CLEC7A: variants seen among roughly 807,000 people sequenced by gnomAD.
CLEC7A encodes C-type lectin domain containing 7A, also known as C-type lectin domain family 7 member A.
CLEC7A carries 25 observed loss-of-function variants against 26.9 expected under a neutral mutation model. The ratio of observed to expected loss-of-function variants is 0.93; its 90% CI spans 0.68 to 1.30. The LOEUF is 1.30. Ranked by LOEUF, CLEC7A falls within the 50% of genes most tolerant of loss-of-function variation. The probability of loss-of-function intolerance (pLI) is 0.00; values close to 1 mark genes in which losing one functional copy is unlikely to be tolerated. For synonymous variants in CLEC7A, 100 were observed against 99.5 expected (o/e 1.01, Z -0.03); for missense variants, 275 against 286.7 (o/e 0.96, Z 0.29).
chr12:10,123,767 C>CAAAAAAAAAAAAAAAAA (rs372400404), intron 4 of CLEC7A, among the ~76,000 whole-genome samples: 14 of 124,682 alleles, frequency 1.1e-4, no homozygotes, highest in African/African-American at 6.2e-4. Context: ...GACTCCGTCT[C>CAAAAAAAAAAAAAAAAA]AAAAAAAAAA....
chr12:10,120,414 A>G (rs983579312), intron 5 of CLEC7A, among the ~76,000 whole-genome samples: 1 of 152,224 alleles, frequency 6.6e-6, no homozygotes, highest in African/African-American at 2.4e-5. Flanking sequence ...CTGAGAGGAA[A>G]AACAACAAAC....
chr12:10,125,158 G>A lies in CLEC7A; in HGVS notation c.492+139C>T, dbSNP rs1002099985. 8.4e-6 allele frequency: 7 copies of A among 831,832 alleles called. No homozygotes were observed. In the Admixed American group the frequency reaches 1.5e-4, roughly 18 times the overall value. The allele number at this position is 831,832 out of a possible 1,614,324, so 51.5% of individuals were successfully genotyped here. The stretch of plus-strand genomic sequence containing the variant: ...GCGGCTTCACTGCACTCTAGCTTGG[G>A]CAACAGAGTGAGACTCTGCCTCAAA... On this transcript the variant is annotated intron_variant, in intron 4 of 5. Coordinates refer to ENST00000304084, the MANE Select transcript of CLEC7A (RefSeq NM_197947.3).
intron 3 of CLEC7A, chr12:10,126,327 C>T (rs967765416): frequency 1.0e-6 from 1 of 982,990 alleles, no homozygotes; most frequent in African/African-American, 1.7e-5. Flanking sequence ...AAATCAGTTA[C>T]TGATTTTAAA....
upstream of CLEC7A, chr12:10,130,254 G>A: frequency 2.1e-6 from 1 of 473,918 alleles, no homozygotes; most frequent in Non-Finnish European, 3.8e-6. Flanking sequence ...TCAAGAGCAG[G>A]AAATGAAACT....
chr12:10,123,347 TG>T lies in CLEC7A; in HGVS notation c.508del (p.Gln170LysfsTer12). 4 of 1,593,816 alleles carry T rather than the reference TG, an allele frequency of 2.5e-6. No homozygotes were observed. The highest frequency in any genetic ancestry group is 3.4e-6 in the Non-Finnish European group (4 of 1,161,518). ...SSNELGFIVKQVSSQPDNSFW... is the reference protein window; with the variant it reads ...SSNELGFIVKXVSSQPDNSFW... ...TGAATTATCAGGTTGGGAAGACACT[TG>T]TTTTACTATAAATCCCTGTAATGAA... On this transcript the variant is annotated frameshift_variant, in exon 5 of 6. Transcript: ENST00000304084. LOFTEE classifies it high-confidence loss of function.
At chr12:10,127,967 A>C in intron 1 of CLEC7A, 122 bp from the exon 2 acceptor site, 3 of 664,790 alleles carry the variant, frequency 4.5e-6, no homozygotes, top group African/African-American at 1.8e-5. Flanking sequence ...GTAATCCCAG[A>C]AGGGAGACTG....
intron 2 of CLEC7A, chr12:10,127,037 C>T (rs1303457232): frequency 1.7e-5 from 23 of 1,393,800 alleles, no homozygotes; most frequent in Non-Finnish European, 2.1e-5. Context: ...CAACATCTTT[C>T]ACCTTTCTTC....
At chr12:10,125,755 C>T (rs1948261105) in intron 3 of CLEC7A, among the ~76,000 whole-genome samples, 1 of 152,102 alleles carries the variant, frequency 6.6e-6, no homozygotes, top group Non-Finnish European at 1.5e-5. Context: ...CTTAATAACT[C>T]CTTAAAATAA....
At chr12:10,124,056 T>C (rs1467676442) in intron 4 of CLEC7A, among the ~76,000 whole-genome samples, 1 of 152,162 alleles carries the variant, frequency 6.6e-6, no homozygotes, top group Non-Finnish European at 1.5e-5. Flanking sequence ...AAGAAGTACT[T>C]CTCAGAGTTA....
In CLEC7A at chr12:10,127,690, C is replaced by T. The variant is rs140571166; in HGVS notation, c.202+57G>A. 466 of 1,193,938 alleles carry T rather than the reference C, an allele frequency of 3.9e-4. 3 individuals are homozygous for T. The African/African-American group carries it at 6.5e-3, about 17-fold the overall frequency. 74.0% of individuals were successfully genotyped at this position (1,193,938 alleles called of 1,614,324 possible). On this transcript the variant is annotated intron_variant, in intron 2 of 5. Coordinates refer to ENST00000304084, the MANE Select transcript of CLEC7A (RefSeq NM_197947.3). ...GTCAAGCCCTTAAAAGAGTGCCTGG[C>T]ACATAATAATTGCTTACTAAATTGT...
intron 1 of CLEC7A, among the ~76,000 whole-genome samples, chr12:10,128,125 C>G (rs1000642813): frequency 1.3e-5 from 2 of 151,282 alleles, no homozygotes; most frequent in African/African-American, 4.9e-5. Context: ...GTAGTCCCAG[C>G]TACTCTGGAG....
chr12:10,127,841 C>T lies in CLEC7A; in HGVS notation c.108G>A (p.Ser36=), dbSNP rs752401642. ...TRIAVVSEKG[S]CAASPPWRLI... is the part of the protein sequence containing the mutation. Reference sequence around the variant, plus strand: ...GGCGCCAAGGAGGAGATGCAGCACACGATCCTGAGGAGCCAGAGGGGGCAG... The same window carrying T: ...GGCGCCAAGGAGGAGATGCAGCACATGATCCTGAGGAGCCAGAGGGGGCAG... The change falls in exon 2 of 6, where the codon TCG becomes TCA. Residue 36 remains serine, a synonymous_variant. Transcript: ENST00000304084. 7 of 1,554,340 alleles carry T rather than the reference C, an allele frequency of 4.5e-6. 1 individual carries two copies. Among genetic ancestry groups the T allele is most frequent in the East Asian group, 4.7e-5 (2 of 42,176 alleles).
At chr12:10,127,085 A>C (rs1231567956) in intron 2 of CLEC7A, 1 of 1,377,768 alleles carries the variant, frequency 7.3e-7, no homozygotes. Context: ...GAAACTGCCC[A>C]GTACCTATAA....
chr12:10,123,408 G>A (rs11053610), intron 4 of CLEC7A, 45 bp from the exon 5 acceptor site: 75 of 1,015,060 alleles, frequency 7.4e-5, no homozygotes, highest in Admixed American at 1.3e-4. Flanking sequence ...GAGAGAGAGA[G>A]AGAGAAAGAA....
intron 3 of CLEC7A, among the ~76,000 whole-genome samples, chr12:10,125,729 C>G (rs987834636): frequency 2.0e-5 from 3 of 152,132 alleles, no homozygotes; most frequent in African/African-American, 7.2e-5. Flanking sequence ...TAATTCAGCT[C>G]AAAACTACCT....
intron 4 of CLEC7A, chr12:10,124,787 G>A (rs1241240695): frequency 6.5e-6 from 1 of 152,968 alleles, no homozygotes; most frequent in Non-Finnish European, 1.5e-5. Context: ...CATGGAGTAT[G>A]TTTGAAAGGA....
At chr12:10,127,626 T>C in intron 2 of CLEC7A, 121 bp downstream of exon 2, 2 of 942,250 alleles carry the variant, frequency 2.1e-6, no homozygotes, top group Non-Finnish European at 3.4e-6. Context: ...CCAATACAGA[T>C]AAAACCAGAT....
At chr12:10,127,263 A>C in intron 2 of CLEC7A, 1 of 1,422,288 alleles carries the variant, frequency 7.0e-7, no homozygotes, top group Non-Finnish European at 9.5e-7. Flanking sequence ...GTGTATTCAA[A>C]GGTGTTTATA....
chr12:10,127,560 T>A (rs1948333835), intron 2 of CLEC7A, 187 bp downstream of exon 2: 4 of 1,104,828 alleles, frequency 3.6e-6, no homozygotes, highest in Non-Finnish European at 5.5e-6. Flanking sequence ...AAAGGTAAAA[T>A]AACCTCTCAG....
Sources: gnomAD v4.1 joint callset for allele counts (sites outside exome capture counted in the v4.1 genomes callset) on GRCh38, gnomAD v4.1.1 for gene constraint, MANE v1.5 for transcripts, NCBI Gene and HGNC (gene_info 2026-07-23, HGNC 2026-07-21) for gene names.